Variants in DYNC2H1 observed in about 807,000 individuals in gnomAD.
The protein encoded by DYNC2H1 is cytoplasmic dynein 2 heavy chain 1.
Under a neutral mutation model 570.0 loss-of-function variants are expected in DYNC2H1, and 410 were observed. The ratio of observed to expected loss-of-function variants is 0.72; its 90% confidence interval spans 0.66 to 0.78. The LOEUF (loss-of-function observed/expected upper bound fraction) is 0.78, where lower values mean the gene tolerates loss of function less well. DYNC2H1 is among the 30% of genes least tolerant of loss of function. The probability of loss-of-function intolerance (pLI) is 0.00; values close to 1 mark genes in which losing one functional copy is unlikely to be tolerated. For synonymous variants in DYNC2H1, 1,688 were observed against 1,677.6 expected (o/e 1.01, Z -0.15); for missense variants, 4,865 against 5,046.4 (o/e 0.96, Z 1.09).
In DYNC2H1 at chr11:103,184,976, C is replaced by T. The variant is rs199675558; in HGVS notation, c.6558C>T (p.Asp2186=). ...LSHLHGCRDH[D]EFIINLIRGL... The stretch of plus-strand genomic sequence containing the variant: ...ATCTACATGGTTGCAGAGATCATGA[C>T]GAATTCATTATTAATCTCATAAGGG... Residue 2186 remains aspartate, a synonymous_variant, in exon 41 of 89, where the codon GAC becomes GAT. Transcript: ENST00000375735. The T allele has an allele frequency of 3.1e-4, 499 of 1,610,864 alleles. No homozygotes were observed. The Middle Eastern group carries it at 4.0e-3, about 13-fold the overall frequency.
intron 39 of DYNC2H1, among the ~76,000 whole-genome samples, chr11:103,180,842 A>G (rs1284448152): frequency 3.3e-5 from 5 of 151,558 alleles, no homozygotes; most frequent in Admixed American, 1.3e-4. Flanking sequence ...CTAATGTTAT[A>G]TAATTATTAA....
Position 103,235,749 on chromosome 11 carries a change from T to G in DYNC2H1, c.9645T>G (p.Ser3215=). The part of the protein sequence containing the change: ...QLAAAFITYL[S]AAPESLRKTC... ...CTGCTGCATTTATTACATATCTTTC[T>G]GCTGCTCCTGAATCTCTGAGAAAAA... Residue 3215 remains serine, a synonymous_variant, in exon 62 of 89, where the codon TCT becomes TCG. Coordinates refer to ENST00000375735, the MANE Select transcript of DYNC2H1 (RefSeq NM_001377.3). 1.9e-6 allele frequency: 3 copies of G among 1,611,902 alleles called. No individual in the cohort carries two copies. Among genetic ancestry groups the G allele is most frequent in the Non-Finnish European group, 2.5e-6 (3 of 1,178,604 alleles).
chr11:103,226,949 C>T (rs1300536847), intron 59 of DYNC2H1, among the ~76,000 whole-genome samples: 1 of 152,072 alleles, frequency 6.6e-6, no homozygotes, highest in African/African-American at 2.4e-5. Context: ...TTATCCATCT[C>T]CTCTGGGTTT....
chr11:103,208,706 A>T (rs1011680225), intron 52 of DYNC2H1, among the ~76,000 whole-genome samples: 6 of 152,112 alleles, frequency 3.9e-5, no homozygotes, highest in African/African-American at 1.4e-4. Flanking sequence ...TCAGTTTTGG[A>T]TATGTTAATG....
At chr11:103,470,001 G>A (rs754030922) in intron 88 of DYNC2H1, among the ~76,000 whole-genome samples, 1 of 151,838 alleles carries the variant, frequency 6.6e-6, no homozygotes, top group South Asian at 2.1e-4. Context: ...TCCATATAAT[G>A]ATCATGAGGA....
rs1348653745 is a variant in DYNC2H1, at chr11:103,325,557, T to C, written c.12039+1567T>C. ...CTTTATTTCTAGGCCCTCTATTCTG[T>C]TCTGTTGGTTTATGTGTCTGTTTCC... is the stretch of plus-strand genomic sequence containing the variant. On this transcript the variant is annotated intron_variant, in intron 82 of 88. Transcript: ENST00000375735. This position sits in a 1 kb window ranked among gnomAD's most constrained non-coding sequence, Gnocchi z 4.8. 1.3e-5 allele frequency among the ~76,000 whole-genome samples: 2 copies of C among 152,182 alleles called. No homozygotes were observed. The highest frequency in any genetic ancestry group is 2.9e-5 in the Non-Finnish European group (2 of 68,032).
In DYNC2H1 at chr11:103,143,182, G is replaced by A. The variant is rs1860048873; in HGVS notation, c.2575-86G>A. The A allele has an allele frequency of 2.2e-5, 31 of 1,382,084 alleles. 1 individual carries two copies. Among genetic ancestry groups the A allele is most frequent in the South Asian group, 4.1e-5 (3 of 72,790 alleles). 85.6% of individuals were successfully genotyped at this position (1,382,084 alleles called of 1,614,324 possible). On this transcript the variant is annotated intron_variant, in intron 17 of 88. Coordinates refer to ENST00000375735, the MANE Select transcript of DYNC2H1 (RefSeq NM_001377.3). ...TACCTCATATTTTCCTCTTTTTATT[G>A]GTTTTAATAGTTGAATCCTATTCTA...
chr11:103,236,994 A>C (rs574761026), intron 63 of DYNC2H1, among the ~76,000 whole-genome samples: 107 of 152,150 alleles, frequency 7.0e-4, no homozygotes, highest in African/African-American at 2.5e-3. Context: ...TTGTTTTGTC[A>C]CATAGTGCAC....
At chr11:103,279,508 C>T (rs1366121119) in intron 70 of DYNC2H1, among the ~76,000 whole-genome samples, 1 of 152,000 alleles carries the variant, frequency 6.6e-6, no homozygotes, top group African/African-American at 2.4e-5. Flanking sequence ...TTAGATTGCT[C>T]CTGAAAGTCT....
In DYNC2H1 at chr11:103,280,475, T is replaced by C. The variant is rs999501279; in HGVS notation, c.10761+62T>C. On this transcript the variant is annotated intron_variant, in intron 71 of 88. Coordinates refer to ENST00000375735, the MANE Select transcript of DYNC2H1 (RefSeq NM_001377.3). The surrounding 1 kb of genome is among the most constrained non-coding windows in gnomAD (Gnocchi z 4.7). ...ATAGAAATTTGTTAATGGGTGGATT[T>C]ATGTTTAGATTAGAAATTATTTAGG... is the stretch of plus-strand genomic sequence containing the variant. 3 of 1,328,944 alleles carry C rather than the reference T, an allele frequency of 2.3e-6. No homozygotes were observed. Among genetic ancestry groups the C allele is most frequent in the African/African-American group, 2.9e-5 (2 of 68,396 alleles). The allele number at this position is 1,328,944 out of a possible 1,614,324, so 82.3% of individuals were successfully genotyped here.
chr11:103,321,274 T>G (rs1277895046), intron 81 of DYNC2H1, 37 bp downstream of exon 81: 3 of 1,519,804 alleles, frequency 2.0e-6, no homozygotes, highest in Non-Finnish European at 2.7e-6. Context: ...TATTTCCAGG[T>G]AGATACGTGA....
At chr11:103,194,983 G>A (rs1366658342) in intron 47 of DYNC2H1, among the ~76,000 whole-genome samples, 3 of 152,130 alleles carry the variant, frequency 2.0e-5, no homozygotes. Flanking sequence ...CTCCCAAAGT[G>A]CTGGGATTAC....
Position 103,154,521 on chromosome 11 carries a change from G to A in DYNC2H1, c.3373G>A (p.Glu1125Lys), listed in dbSNP as rs1296081009. ...SLASSISKDI[E>K]SCAQIWAFYE... ...GGCAAGTAGTATCTCTAAAGATATC[G>A]AGAGCTGTGCCCAAATTTGGGCCTT... The change falls in exon 23 of 89, where the codon GAG becomes AAG. Residue 1125 changes from glutamate (E) to lysine (K), a missense_variant. Transcript: ENST00000375735. 3.8e-6 allele frequency: 6 copies of A among 1,580,636 alleles called. No homozygotes were observed. The highest frequency in any genetic ancestry group is 1.8e-5 in the Admixed American group (1 of 54,738).
At chr11:103,285,424 C>CTTTTTT (rs60667279) in intron 73 of DYNC2H1, among the ~76,000 whole-genome samples, 10 of 137,016 alleles carry the variant, frequency 7.3e-5, no homozygotes, top group Non-Finnish European at 1.2e-4. Context: ...TTTTTCTTTT[C>CTTTTTT]TTTTTTTTTT....
intron 83 of DYNC2H1, among the ~76,000 whole-genome samples, chr11:103,364,431 T>G (rs1277193676): frequency 6.6e-6 from 1 of 152,144 alleles, no homozygotes; most frequent in Non-Finnish European, 1.5e-5. Flanking sequence ...TTTACAGTCC[T>G]TGTTCAAGAA....
At position 103,273,804 on chromosome 11, in the gene DYNC2H1, C is replaced by T. The variant is rs566240033; in HGVS notation, c.10696-6544C>T. 2.6e-5 allele frequency among the ~76,000 whole-genome samples: 4 copies of T among 152,094 alleles called. No individual in the cohort carries two copies. The East Asian group carries it at 5.8e-4, about 22-fold the overall frequency. On this transcript the variant is annotated intron_variant, in intron 70 of 88. Coordinates refer to ENST00000375735, the MANE Select transcript of DYNC2H1 (RefSeq NM_001377.3). The stretch of plus-strand genomic sequence containing the variant: ...TTGTATCAATGTCTATGGAGTGCTG[C>T]GATGTGATTGAGCAACACCGTAATT...
chr11:103,237,334 A>G (rs1349931169), intron 63 of DYNC2H1, among the ~76,000 whole-genome samples: 1 of 151,952 alleles, frequency 6.6e-6, no homozygotes, highest in Admixed American at 6.6e-5. Flanking sequence ...ATGAACATTA[A>G]ACATGCTCCT....
chr11:103,140,373 T>C (rs2931802), intron 17 of DYNC2H1, among the ~76,000 whole-genome samples: 102,507 of 150,946 alleles, frequency 0.68, 35,632 homozygotes, highest in East Asian at 0.77. Context: ...CCATGTTGAG[T>C]GCTTCCTTCA....
chr11:103,413,324 T>C (rs1164744261), intron 84 of DYNC2H1, among the ~76,000 whole-genome samples: 3 of 152,350 alleles, frequency 2.0e-5, no homozygotes, highest in East Asian at 1.9e-4. Flanking sequence ...CAAATAATTA[T>C]AAACGTTGAA....
Sources: allele counts gnomAD v4.1 joint callset (sites outside exome capture counted in the v4.1 genomes callset), GRCh38; gene constraint gnomAD v4.1.1; non-coding constraint Gnocchi (gnomAD v3.1); transcripts MANE v1.5; gene names NCBI Gene and HGNC (gene_info 2026-07-23, HGNC 2026-07-21).